Variants in BUB1B observed in about 807,000 individuals in gnomAD.
The protein encoded by BUB1B is BUB1 mitotic checkpoint serine/threonine kinase B.
A neutral mutation model predicts 137.7 loss-of-function variants in BUB1B; 86 were observed. The ratio of observed to expected loss-of-function variants is 0.62; its 90% CI spans 0.52 to 0.75. BUB1B has a LOEUF of 0.75. Among genes scored for constraint, BUB1B ranks in the 30% least tolerant of loss-of-function variants. The pLI is 0.00. For synonymous variants in BUB1B, 420 were observed against 417.9 expected (o/e 1.00, Z -0.06); for missense variants, 1,130 against 1,236.9 (o/e 0.91, Z 1.30).
At chr15:40,173,832 TGGTCAA>T (rs2037193528) in intron 4 of BUB1B, 1 of 320,998 alleles carries the variant, frequency 3.1e-6, no homozygotes, top group East Asian at 1.0e-4. Context: ...TTTGTGGGTC[TGGTCAA>T]GAGGAGTAAC....
chr15:40,201,690 T>G (rs897665155), intron 12 of BUB1B, among the ~76,000 whole-genome samples: 12 of 152,158 alleles, frequency 7.9e-5, no homozygotes, highest in African/African-American at 2.9e-4. Context: ...TTTTTGAGAC[T>G]GAGTCTCGCT....
At chr15:40,174,274 A>C (rs1382949358) in intron 4 of BUB1B, among the ~76,000 whole-genome samples, 1 of 152,246 alleles carries the variant, frequency 6.6e-6, no homozygotes, top group Non-Finnish European at 1.5e-5. Flanking sequence ...TTTTCTTGAA[A>C]CACCACCACA....
chr15:40,168,564 C>T (rs538354098), intron 2 of BUB1B, among the ~76,000 whole-genome samples: 2 of 152,050 alleles, frequency 1.3e-5, no homozygotes, highest in African/African-American at 2.4e-5. Flanking sequence ...AACTGTGGTC[C>T]CTTCTTCTAA....
At chr15:40,204,189 A>G (rs2037608995) in intron 14 of BUB1B, among the ~76,000 whole-genome samples, 1 of 152,190 alleles carries the variant, frequency 6.6e-6, no homozygotes, top group Admixed American at 6.5e-5. Flanking sequence ...TCTAGGTGCC[A>G]TTGGAATTTC....
chr15:40,182,430 C>A (rs561545263), intron 5 of BUB1B, among the ~76,000 whole-genome samples: 2 of 152,178 alleles, frequency 1.3e-5, no homozygotes, highest in African/African-American at 4.8e-5. Context: ...TAGTAGACAA[C>A]CACACTTCAG....
At chr15:40,209,485 C>T in intron 16 of BUB1B, 150 bp from the exon 17 acceptor site, 1 of 914,868 alleles carries the variant, frequency 1.1e-6, no homozygotes, top group Non-Finnish European at 1.7e-6. Flanking sequence ...AACACAGTTT[C>T]ATAAACACCT....
intron 8 of BUB1B, among the ~76,000 whole-genome samples, chr15:40,192,541 A>C (rs533411853): frequency 3.3e-5 from 5 of 152,152 alleles, no homozygotes; most frequent in African/African-American, 1.2e-4. Flanking sequence ...CCTTTGCTCC[A>C]TTTGTTCATC....
At chr15:40,207,333 G>A (rs951743068) in intron 15 of BUB1B, among the ~76,000 whole-genome samples, 1 of 152,200 alleles carries the variant, frequency 6.6e-6, no homozygotes, top group Non-Finnish European at 1.5e-5. Context: ...GCCAGATGCA[G>A]TGGCTCACCT....
chr15:40,207,787 A>C (rs2140904935), intron 15 of BUB1B, among the ~76,000 whole-genome samples: 1 of 150,580 alleles, frequency 6.6e-6, no homozygotes, highest in East Asian at 2.0e-4. Context: ...CTGTAATCCC[A>C]GCACTTTGGG....
Position 40,186,612 on chromosome 15 carries a change from T to C in BUB1B, c.1058+970T>C, listed in dbSNP as rs1218256329. On this transcript the variant is annotated intron_variant, in intron 8 of 22. Coordinates refer to ENST00000287598, the MANE Select transcript of BUB1B (RefSeq NM_001211.6). ...GGCATCTGCCACCACGCCCAGCTAA[T>C]TTTTTTTTTTTTTTAGTGGACACGG... Among the ~76,000 whole-genome samples the C allele has an allele frequency of 4.3e-5, 6 of 139,982 alleles. No homozygotes were observed. The East Asian group carries it at 8.2e-4, about 19-fold the overall frequency. The allele number at this position is 139,982 out of a possible 152,430, so 91.8% of individuals were successfully genotyped here. A position where few individuals can be genotyped will look rare whatever the true frequency, so the allele number is the denominator to read the frequency against.
intron 20 of BUB1B, 132 bp downstream of exon 20, chr15:40,213,606 G>A: frequency 1.1e-6 from 1 of 951,244 alleles, no homozygotes; most frequent in Non-Finnish European, 1.6e-6. Flanking sequence ...CATGATCTTG[G>A]CTCACTGCAG....
intron 4 of BUB1B, among the ~76,000 whole-genome samples, chr15:40,175,201 A>G (rs1389998448): frequency 6.6e-6 from 1 of 152,254 alleles, no homozygotes; most frequent in Non-Finnish European, 1.5e-5. Flanking sequence ...TATTTTTTAT[A>G]GAATTATTTA....
chr15:40,167,569 G>A (rs952601711), intron 2 of BUB1B, among the ~76,000 whole-genome samples: 2 of 152,036 alleles, frequency 1.3e-5, no homozygotes, highest in Non-Finnish European at 2.9e-5. Context: ...TTGAACTTCT[G>A]ACCTCAGGTG....
At chr15:40,216,698 G>A (rs2037796897) in intron 20 of BUB1B, among the ~76,000 whole-genome samples, 2 of 150,732 alleles carry the variant, frequency 1.3e-5, no homozygotes, top group African/African-American at 4.9e-5. Context: ...GTGCCGTGGA[G>A]GTATGTAATT....
intron 8 of BUB1B, among the ~76,000 whole-genome samples, chr15:40,187,359 C>A (rs1040040275): frequency 6.6e-6 from 1 of 152,030 alleles, no homozygotes; most frequent in African/African-American, 2.4e-5. Flanking sequence ...ATCTCCTGAC[C>A]TCATGATCCG....
Position 40,196,621 on chromosome 15 carries a change from C to T in BUB1B, c.1135C>T (p.Leu379=). 2 of 1,613,934 alleles carry T rather than the reference C, an allele frequency of 1.2e-6. No homozygotes were observed. The highest frequency in any genetic ancestry group is 1.7e-6 in the Non-Finnish European group (2 of 1,179,908). ...RKPGKEEGDP[L]QRVQSHQQAS... is the part of the protein sequence containing the mutation. ...GCCTGGAAAGGAAGAAGGAGATCCT[C>T]TACAAAGGGTTCAGAGCCATCAGCA... Residue 379 remains leucine (L), a synonymous_variant, in exon 9 of 23, where the codon CTA becomes TTA. Coordinates refer to ENST00000287598, the MANE Select transcript of BUB1B (RefSeq NM_001211.6).
In BUB1B at chr15:40,188,657, A is replaced by C. The variant is rs1393967149; in HGVS notation, c.1058+3015A>C. ...GAGTGCAGTGGCGCCGTCTCAGCTC[A>C]CTGTAACCTCCGCCTCCCGGGTTCA... On this transcript the variant is annotated intron_variant, in intron 8 of 22. Transcript: ENST00000287598. 3.5e-5 allele frequency among the ~76,000 whole-genome samples: 5 copies of C among 141,644 alleles called. No homozygotes were observed. The East Asian group carries it at 1.0e-3, about 29-fold the overall frequency. The allele number at this position is 141,644 out of a possible 152,430, so 92.9% of individuals were successfully genotyped here. A position where few individuals can be genotyped will look rare whatever the true frequency, so the allele number is the denominator to read the frequency against.
At chr15:40,176,203 T>C (rs2037221478) in intron 4 of BUB1B, among the ~76,000 whole-genome samples, 1 of 152,122 alleles carries the variant, frequency 6.6e-6, no homozygotes, top group African/African-American at 2.4e-5. Flanking sequence ...CTCCTACTCC[T>C]ACCTCGGCCT....
Position 40,196,636 on chromosome 15 carries a change from A to C in BUB1B, c.1150A>C (p.Ser384Arg). The C allele has an allele frequency of 6.2e-7, 1 of 1,614,100 alleles. No homozygotes were observed. The highest frequency in any genetic ancestry group is 8.5e-7 in the Non-Finnish European group (1 of 1,179,952). Residue 384 changes from serine to arginine, a missense_variant, in exon 9 of 23, where the codon AGC becomes CGC. Coordinates refer to ENST00000287598, the MANE Select transcript of BUB1B (RefSeq NM_001211.6). ...EEGDPLQRVQ[S>R]HQQASEEKKE... is the part of the protein sequence containing the mutation. Reference sequence around the variant, plus strand: ...AGGAGATCCTCTACAAAGGGTTCAGAGCCATCAGCAAGCGTCTGAGGAGAA... The same window carrying C: ...AGGAGATCCTCTACAAAGGGTTCAGCGCCATCAGCAAGCGTCTGAGGAGAA...
Sources: gnomAD v4.1 joint callset for allele counts (sites outside exome capture counted in the v4.1 genomes callset) on GRCh38, gnomAD v4.1.1 for gene constraint, MANE v1.5 for transcripts, NCBI Gene and HGNC (gene_info 2026-07-23, HGNC 2026-07-21) for gene names.